GABRG3: variants seen among roughly 807,000 people sequenced by gnomAD.
GABRG3 encodes gamma-aminobutyric acid type A receptor subunit gamma3.
GABRG3 carries 25 observed loss-of-function variants against 48.8 expected under a neutral mutation model. The observed-to-expected ratio is 0.51, with a 90% CI of 0.37 to 0.72. GABRG3 has a LOEUF of 0.72. GABRG3 is among the 30% of genes least tolerant of loss of function. GABRG3 has a pLI of 0.00. For missense variants in GABRG3, 394 were observed against 577.9 expected (o/e 0.68, Z 3.26); for synonymous variants, 227 against 217.6 (o/e 1.04, Z -0.38).
At chr15:27,023,737 CT>C (rs1474309838) in intron 2 of GABRG3, among the ~76,000 whole-genome samples, 1 of 152,126 alleles carries the variant, frequency 6.6e-6, no homozygotes, top group Non-Finnish European at 1.5e-5. Context: ...CTGTTTCTAC[CT>C]TTTGGCTACT....
intron 6 of GABRG3, among the ~76,000 whole-genome samples, chr15:27,508,955 C>A (rs939356866): frequency 1.3e-5 from 2 of 152,020 alleles, no homozygotes; most frequent in Non-Finnish European, 2.9e-5. Context: ...TCCTGACCTC[C>A]TGATCCGCCC....
intron 5 of GABRG3, among the ~76,000 whole-genome samples, chr15:27,458,812 C>T (rs561318557): frequency 1.2e-4 from 19 of 152,196 alleles, no homozygotes; most frequent in Non-Finnish European, 2.5e-4. Context: ...ATTGCAATGA[C>T]GAGAGCCTCA....
intron 3 of GABRG3, among the ~76,000 whole-genome samples, chr15:27,166,962 A>T (rs1326948154): frequency 6.6e-6 from 1 of 152,094 alleles, no homozygotes; most frequent in Non-Finnish European, 1.5e-5. Flanking sequence ...ACAGAGCTTT[A>T]TTCTCCCTGG....
intron 5 of GABRG3, among the ~76,000 whole-genome samples, chr15:27,431,313 ACTCGC>A (rs1888446510): frequency 6.6e-6 from 1 of 152,050 alleles, no homozygotes; most frequent in Admixed American, 6.6e-5. Flanking sequence ...CATTTTTGTA[ACTCGC>A]CTTTCAGATT....
chr15:27,184,764 G>T (rs1010375282), intron 3 of GABRG3, among the ~76,000 whole-genome samples: 10 of 152,042 alleles, frequency 6.6e-5, no homozygotes, highest in African/African-American at 2.2e-4. Flanking sequence ...TTGAATTTTG[G>T]CAGTTTGTGG....
intron 3 of GABRG3, among the ~76,000 whole-genome samples, chr15:27,211,750 C>G (rs1260753652): frequency 2.0e-5 from 3 of 152,176 alleles, no homozygotes; most frequent in Non-Finnish European, 4.4e-5. Context: ...CATCCTCCCA[C>G]CTAGAATTGT....
At chr15:26,989,932 C>T (rs986897443) in intron 2 of GABRG3, among the ~76,000 whole-genome samples, 7 of 152,160 alleles carry the variant, frequency 4.6e-5, no homozygotes, top group Non-Finnish European at 5.9e-5. Flanking sequence ...CCAGTTCTAT[C>T]TATGGCATTG....
intron 5 of GABRG3, among the ~76,000 whole-genome samples, chr15:27,436,993 AATAG>A (rs1441206548): frequency 1.3e-5 from 1 of 76,234 alleles, no homozygotes; most frequent in African/African-American, 6.7e-5. Context: ...TTCTCCGAAA[AATAG>A]AGAGAGAGAG....
rs151312214 is a variant in GABRG3 at position 27,371,157 on chromosome 15, G to GA, written c.574+42279dup. 3.1e-3 allele frequency among the ~76,000 whole-genome samples: 452 copies of GA among 147,856 alleles called. 8 individuals carry two copies. The East Asian group carries it at 0.062, about 20-fold the overall frequency. On this transcript the variant is annotated intron_variant, in intron 5 of 9. Coordinates refer to ENST00000615808, the MANE Select transcript of GABRG3 (RefSeq NM_033223.5). ...CCAGAATTAGAAACAACATTTTGTG[G>GA]AAAAAAAAAAGGTATGCTGTTTAGA...
In GABRG3 at chr15:27,211,007, A is replaced by T. The variant is rs201069831; in HGVS notation, c.271-115802A>T. Among the ~76,000 whole-genome samples the T allele has an allele frequency of 7.2e-5, 11 of 152,372 alleles. No homozygotes were observed. The East Asian group carries it at 2.1e-3, about 29-fold the overall frequency. ...GAAATAAAAGAGGGGGTAGAGAAAT[A>T]TCAGAATTATCAGAGCATGTCTTAG... is the stretch of plus-strand genomic sequence containing the variant. On this transcript the variant is annotated intron_variant, in intron 3 of 9. Coordinates refer to ENST00000615808, the MANE Select transcript of GABRG3 (RefSeq NM_033223.5).
At chr15:27,170,546 C>T (rs1887532185) in intron 3 of GABRG3, among the ~76,000 whole-genome samples, 1 of 151,952 alleles carries the variant, frequency 6.6e-6, no homozygotes, top group South Asian at 2.1e-4. Flanking sequence ...GAAGACAGAA[C>T]AAAAACAGAT....
chr15:27,431,526 CTTAA>C (rs1478327457), intron 5 of GABRG3, among the ~76,000 whole-genome samples: 8 of 152,126 alleles, frequency 5.3e-5, no homozygotes, highest in Non-Finnish European at 1.2e-4. Context: ...CATTCTCATG[CTTAA>C]TTGTCTTGTA....
chr15:27,398,666 G>GCGGACA, intron 5 of GABRG3, among the ~76,000 whole-genome samples: 1 of 147,306 alleles, frequency 6.8e-6, no homozygotes, highest in South Asian at 2.2e-4. Flanking sequence ...ACAAGCGCGC[G>GCGGACA]CACACACACA....
chr15:27,285,316 C>T (rs1021739110), intron 3 of GABRG3, among the ~76,000 whole-genome samples: 2 of 145,306 alleles, frequency 1.4e-5, no homozygotes, highest in African/African-American at 5.1e-5. Flanking sequence ...CTTCTTTGCC[C>T]AAAAAAGTCA....
intron 5 of GABRG3, among the ~76,000 whole-genome samples, chr15:27,413,337 G>A (rs552917789): frequency 6.6e-6 from 1 of 152,148 alleles, no homozygotes; most frequent in Non-Finnish European, 1.5e-5. Context: ...TAGAAGTAAA[G>A]CTTGACCAAG....
intron 3 of GABRG3, among the ~76,000 whole-genome samples, chr15:27,276,427 C>CA (rs1388524473): frequency 2.6e-5 from 4 of 152,160 alleles, no homozygotes; most frequent in African/African-American, 7.2e-5. Context: ...CTGCAGAACT[C>CA]AGAGTTCTGT....
intron 3 of GABRG3, among the ~76,000 whole-genome samples, chr15:27,145,603 CTCTATCTA>C (rs140259026): frequency 0.023 from 2,307 of 102,330 alleles, 40 homozygotes; most frequent in South Asian, 0.032. Context: ...ATATATCTAT[CTCTATCTA>C]TCTATCTATC....
At chr15:27,349,855 C>G (rs1437286939) in intron 5 of GABRG3, among the ~76,000 whole-genome samples, 1 of 151,938 alleles carries the variant, frequency 6.6e-6, no homozygotes, top group African/African-American at 2.4e-5. Context: ...CGGGACATGT[C>G]CTTTCTGGCT....
At position 27,285,254 on chromosome 15, in the gene GABRG3, G is replaced by GGTGT. The variant is rs60880658; in HGVS notation, c.271-41510_271-41507dup. Among the ~76,000 whole-genome samples the GGTGT allele has an allele frequency of 5.4e-3, 769 of 142,548 alleles. 6 individuals carry two copies. Among genetic ancestry groups the GGTGT allele is most frequent in the Middle Eastern group, 0.029 (8 of 278 alleles). 93.5% of individuals were successfully genotyped at this position (142,548 alleles called of 152,430 possible). A position where few individuals can be genotyped will look rare whatever the true frequency, so the allele number is the denominator to read the frequency against. ...CCTAGATAAATTTGCTGAGCTTTCA[G>GGTGT]GTGTGTGTGTGTGTGTGTGTGTGTG... On this transcript the variant is annotated intron_variant, in intron 3 of 9. Transcript: ENST00000615808.
Sources: gnomAD v4.1 joint callset for allele counts (sites outside exome capture counted in the v4.1 genomes callset) on GRCh38, gnomAD v4.1.1 for gene constraint, MANE v1.5 for transcripts, NCBI Gene and HGNC (gene_info 2026-07-23, HGNC 2026-07-21) for gene names.